The following PDCD4 variants were observed in gnomAD, a reference collection of about 807,000 sequenced individuals.
PDCD4 encodes programmed cell death 4, also known as programmed cell death protein 4.
PDCD4 carries 56 observed loss-of-function variants against 54.0 expected under a neutral mutation model. The observed-to-expected ratio is 1.04, with a 90% CI of 0.84 to 1.30. The LOEUF (loss-of-function observed/expected upper bound fraction) is 1.30, where lower values mean the gene tolerates loss of function less well. PDCD4 is among the 50% of genes most tolerant of loss of function. The pLI is 0.00. For synonymous variants in PDCD4, 186 were observed against 194.8 expected, an observed-to-expected ratio of 0.95 and a Z score of 0.37; for missense variants, 584 against 559.8, an observed-to-expected ratio of 1.04 and a Z score of -0.44.
intron 4 of PDCD4, among the ~76,000 whole-genome samples, chr10:110,884,466 A>AT (rs1225925943): frequency 6.6e-6 from 1 of 151,114 alleles, no homozygotes; most frequent in Non-Finnish European, 1.5e-5. Flanking sequence ...TTCCTTAGAG[A>AT]TTTTTTTTCT....
At chr10:110,878,929 A>C (rs1234459433) in intron 2 of PDCD4, among the ~76,000 whole-genome samples, 2 of 152,162 alleles carry the variant, frequency 1.3e-5, no homozygotes, top group South Asian at 2.1e-4. Flanking sequence ...AAACAGTACT[A>C]CGACTACTTC....
intron 2 of PDCD4, among the ~76,000 whole-genome samples, chr10:110,878,407 A>G (rs1369892861): frequency 6.6e-6 from 1 of 152,200 alleles, no homozygotes; most frequent in Non-Finnish European, 1.5e-5. Flanking sequence ...ACATTTTATT[A>G]TAGTTCTGAC....
chr10:110,881,899 C>A (rs1845598797), intron 3 of PDCD4, among the ~76,000 whole-genome samples: 3 of 152,102 alleles, frequency 2.0e-5, no homozygotes. Flanking sequence ...ATTACTACTA[C>A]TAATAAATAT....
At chr10:110,890,998 A>G (rs1260002987) in intron 8 of PDCD4, 2 of 182,584 alleles carry the variant, frequency 1.1e-5, no homozygotes, top group African/African-American at 2.4e-5. Context: ...TGTTTTAGCT[A>G]TTCAATAAAT....
Position 110,898,038 on chromosome 10 carries a change from C to T in PDCD4, c.1360C>T (p.Arg454Cys), listed in dbSNP as rs1162301395. Residue 454 changes from arginine to cysteine, a missense_variant, in exon 12 of 12, where the codon CGT becomes TGT. Arg to Cys is a radical substitution (Grantham distance 180). Transcript: ENST00000280154. ...TTTTCTTCATTACAGGGGCAGAAAGCGTTTTGTAAGCGAAGGAGATGGAGG... is the reference window on the plus strand; with the variant it reads ...TTTTCTTCATTACAGGGGCAGAAAGTGTTTTGTAAGCGAAGGAGATGGAGG... The part of the protein sequence containing the change: ...RDLCPSRGRK[R>C]FVSEGDGGRL... The T allele has an allele frequency of 1.9e-6, 3 of 1,583,460 alleles. No individual in the cohort carries two copies. Among genetic ancestry groups the T allele is most frequent in the Non-Finnish European group, 1.7e-6 (2 of 1,162,692 alleles).
intron 2 of PDCD4, among the ~76,000 whole-genome samples, chr10:110,877,320 C>T (rs571971127): frequency 6.0e-4 from 92 of 152,286 alleles, no homozygotes; most frequent in Admixed American, 1.0e-3. Context: ...GATCCTCCCT[C>T]TTCAGCCTCC....
intron 1 of PDCD4, among the ~76,000 whole-genome samples, chr10:110,873,346 A>G (rs1447905219): frequency 6.6e-6 from 1 of 152,256 alleles, no homozygotes; most frequent in Non-Finnish European, 1.5e-5. Context: ...TAGCCGAAGA[A>G]TGAATACAAG....
In PDCD4 at chr10:110,894,147, T is replaced by TAA. The variant is rs753513116; in HGVS notation, c.1047_1048insAA (p.Cys350AsnfsTer21). On this transcript the variant is annotated frameshift_variant, in exon 9 of 12. Coordinates refer to ENST00000280154, the MANE Select transcript of PDCD4 (RefSeq NM_014456.5). LOFTEE classifies it high-confidence loss of function. The stretch of plus-strand genomic sequence containing the variant: ...CTGGAGACATATCTGAAGCTGAACA[T>TAA]TGCCTTAAGGAACTGGAAGTACCTC... 4.3e-6 allele frequency: 7 copies of TAA among 1,609,742 alleles called. No individual in the cohort carries two copies. The highest frequency in any genetic ancestry group is 1.3e-5 in the African/African-American group (1 of 74,834).
At chr10:110,893,357 T>A (rs1385570381) in intron 8 of PDCD4, among the ~76,000 whole-genome samples, 1 of 150,980 alleles carries the variant, frequency 6.6e-6, no homozygotes, top group African/African-American at 2.4e-5. Context: ...TATGATTTTT[T>A]AAATTCAGTC....
In PDCD4 at chr10:110,896,091, C is replaced by T; in HGVS notation, c.1349+4C>T. 6.3e-7 allele frequency: 1 copy of T among 1,585,160 alleles called. No individual in the cohort carries two copies. The highest frequency in any genetic ancestry group is 8.6e-7 in the Non-Finnish European group (1 of 1,166,396). On this transcript the variant is annotated splice_donor_region_variant and intron_variant, in intron 11 of 11. Transcript: ENST00000280154. ...TCAGAGATCTTTGTCCTTCAAGGTA[C>T]TTTATTTAAATACTACTTTCTCAAT...
chr10:110,880,137 G>C (rs562446169), intron 2 of PDCD4, among the ~76,000 whole-genome samples: 1 of 152,314 alleles, frequency 6.6e-6, no homozygotes, highest in South Asian at 2.1e-4. Flanking sequence ...GATCTCCATG[G>C]AATTTGAGTA....
intron 6 of PDCD4, among the ~76,000 whole-genome samples, 166 bp downstream of exon 6, chr10:110,888,052 T>G (rs1845697317): frequency 6.6e-6 from 1 of 152,172 alleles, no homozygotes; most frequent in South Asian, 2.1e-4. Context: ...TCCTAGTTCT[T>G]TTGTTTTTTA....
rs531096469 is a variant in PDCD4, at chr10:110,878,332, G to A, written c.43+2262G>A. ...TTGAAAGGATGTTAAAATTGTTGAA[G>A]AAAAGAAAACTCGATTATGGGAAAT... is the stretch of plus-strand genomic sequence containing the variant. On this transcript the variant is annotated intron_variant, in intron 2 of 11. Coordinates refer to ENST00000280154, the MANE Select transcript of PDCD4 (RefSeq NM_014456.5). Among the ~76,000 whole-genome samples, 12 of 152,250 alleles carry A rather than the reference G, an allele frequency of 7.9e-5. No individual in the cohort carries two copies. In the East Asian group the frequency reaches 2.1e-3, roughly 27 times the overall value.
chr10:110,885,119 C>A (rs1269436763), intron 4 of PDCD4, 134 bp from the exon 5 acceptor site: 11 of 509,778 alleles, frequency 2.2e-5, no homozygotes, highest in Non-Finnish European at 3.5e-5. Context: ...TATATGCGAT[C>A]AATGTATGTA....
chr10:110,893,401 T>A (rs973081560), intron 8 of PDCD4, among the ~76,000 whole-genome samples: 1 of 150,272 alleles, frequency 6.7e-6, no homozygotes, highest in Non-Finnish European at 1.5e-5. Flanking sequence ...ACTAGATATG[T>A]GCCCACCAAA....
At chr10:110,890,035 A>G (rs936185312) in intron 7 of PDCD4, among the ~76,000 whole-genome samples, 5 of 152,246 alleles carry the variant, frequency 3.3e-5, no homozygotes, top group Non-Finnish European at 7.3e-5. Flanking sequence ...TCTACTGTAG[A>G]AATCTTAGTC....
rs61864563 is a variant in PDCD4 at position 110,872,575 on chromosome 10, G to A, written c.-63+557G>A. ...GGGGCCGACCCGGGCTGGGACTTCG[G>A]GGGTCCTAGCCTGAGCCCGCTGCGG... On this transcript the variant is annotated intron_variant, in intron 1 of 11. Transcript: ENST00000280154. Among the ~76,000 whole-genome samples the A allele has an allele frequency of 3.9e-3, 594 of 152,316 alleles. 4 individuals carry two copies. The highest frequency in any genetic ancestry group is 0.017 in the Middle Eastern group (5 of 294).
chr10:110,875,484 T>C (rs1845488574), intron 1 of PDCD4, among the ~76,000 whole-genome samples: 2 of 152,196 alleles, frequency 1.3e-5, no homozygotes, highest in African/African-American at 4.8e-5. Flanking sequence ...TATGCCGTAA[T>C]GTGAAAAATA....
In PDCD4 at chr10:110,890,559, T is replaced by C; in HGVS notation, c.879T>C (p.Ala293=). Residue 293 remains alanine, a synonymous_variant, in exon 8 of 12, where the codon GCT becomes GCC. Coordinates refer to ENST00000280154, the MANE Select transcript of PDCD4 (RefSeq NM_014456.5). ...AAATTTTTTTCTTTCTCTGTAGAGC[T>C]GCTCTGGATAAGGCTACCGTGCTTC... is the stretch of plus-strand genomic sequence containing the variant. The part of the protein sequence containing the change: ...KGTVDCVQAR[A]ALDKATVLLS... The C allele has an allele frequency of 6.2e-7, 1 of 1,601,130 alleles. No homozygotes were observed. The highest frequency in any genetic ancestry group is 1.7e-4 in the Middle Eastern group (1 of 6,020).
Sources: gnomAD v4.1 joint callset for allele counts (sites outside exome capture counted in the v4.1 genomes callset) on GRCh38, gnomAD v4.1.1 for gene constraint, MANE v1.5 for transcripts, NCBI Gene and HGNC (gene_info 2026-07-23, HGNC 2026-07-21) for gene names.